The following KLHL2 variants were observed in gnomAD, a reference collection of about 807,000 sequenced individuals.
KLHL2 encodes kelch-like protein 2.
A neutral mutation model predicts 75.8 loss-of-function variants in KLHL2; 15 were observed. That is an observed-to-expected ratio of 0.20 (90% CI 0.13 to 0.30). The LOEUF (loss-of-function observed/expected upper bound fraction) is 0.30. KLHL2 is among the 10% of genes least tolerant of loss of function. The probability of loss-of-function intolerance (pLI) is 1.00; values close to 1 mark genes in which losing one functional copy is unlikely to be tolerated. For synonymous variants in KLHL2, 214 were observed against 251.9 expected (o/e 0.85, Z 1.42); for missense variants, 381 against 741.0 (o/e 0.51, Z 5.64).
chr4:165,279,567 C>T (rs746590969), intron 5 of KLHL2: 15 of 1,598,000 alleles, frequency 9.4e-6, no homozygotes, highest in Non-Finnish European at 1.2e-5. Flanking sequence ...GAATTGAAAA[C>T]CAAAAAGCGC....
At chr4:165,318,276 C>G (rs1746725561) in intron 14 of KLHL2, among the ~76,000 whole-genome samples, 1 of 152,122 alleles carries the variant, frequency 6.6e-6, no homozygotes, top group Non-Finnish European at 1.5e-5. Context: ...GCTTTAATTC[C>G]TGAGATGTCC....
At position 165,299,555 on chromosome 4, in the gene KLHL2, T is replaced by C. The variant is rs368715064; in HGVS notation, c.820T>C (p.Tyr274His). Residue 274 changes from tyrosine to histidine, a missense_variant, in exon 8 of 15, where the codon TAC becomes CAC. This residue lies in a region of KLHL2 where 111 missense variants were observed against 150.1 expected (regional missense o/e 0.74). Coordinates refer to ENST00000226725, the MANE Select transcript of KLHL2 (RefSeq NM_007246.4). ...CAAGAATAGCAGTGCTTGCAAAGAT[T>C]ACCTCATTGAAGCAATGAAGTACCA... is the stretch of plus-strand genomic sequence containing the variant. The part of the protein sequence containing the change: ...LVKNSSACKD[Y>H]LIEAMKYHLL... 1 of 1,613,764 alleles carries C rather than the reference T, an allele frequency of 6.2e-7. No individual in the cohort carries two copies. The highest frequency in any genetic ancestry group is 1.3e-5 in the African/African-American group (1 of 74,906).
intron 4 of KLHL2, among the ~76,000 whole-genome samples, chr4:165,254,501 G>A (rs191934311): frequency 2.3e-3 from 352 of 152,092 alleles, no homozygotes; most frequent in African/African-American, 7.8e-3. Flanking sequence ...TGTTTTAAAC[G>A]TTTATATTTT....
At chr4:165,230,463 T>C (rs745693242) in intron 3 of KLHL2, among the ~76,000 whole-genome samples, 1 of 152,230 alleles carries the variant, frequency 6.6e-6, no homozygotes. Context: ...AAATGATCAG[T>C]TAATTTTGAC....
intron 5 of KLHL2, among the ~76,000 whole-genome samples, chr4:165,267,125 G>T (rs999296801): frequency 4.0e-5 from 6 of 151,318 alleles, no homozygotes; most frequent in African/African-American, 1.5e-4. Flanking sequence ...TCTATTATTG[G>T]TGTATAGGAA....
At chr4:165,266,131 T>C (rs1329780957) in intron 5 of KLHL2, among the ~76,000 whole-genome samples, 1 of 152,240 alleles carries the variant, frequency 6.6e-6, no homozygotes, top group African/African-American at 2.4e-5. Flanking sequence ...TTGAGAAGTG[T>C]CTGTTTATAT....
Position 165,219,964 on chromosome 4 carries a change from C to G in KLHL2, c.57C>G (p.Leu19=), listed in dbSNP as rs1435228539. 2 of 1,613,488 alleles carry G rather than the reference C, an allele frequency of 1.2e-6. No individual in the cohort carries two copies. Residue 19 remains leucine, a synonymous_variant, in exon 2 of 15, where the codon CTC becomes CTG. Coordinates refer to ENST00000226725, the MANE Select transcript of KLHL2 (RefSeq NM_007246.4). ...CAAAGCAGGGTCATCAGAAGCCTCTCGATTCAAAAGATGATAATACCGAAA... is the reference window on the plus strand; with the variant it reads ...CAAAGCAGGGTCATCAGAAGCCTCTGGATTCAAAAGATGATAATACCGAAA... ...ACTKQGHQKP[L]DSKDDNTEKH...
chr4:165,217,869 A>G (rs1183182872), intron 1 of KLHL2, among the ~76,000 whole-genome samples: 3 of 152,194 alleles, frequency 2.0e-5, no homozygotes, highest in Admixed American at 6.6e-5. Context: ...ACCATTAGGT[A>G]TAAAAACAGC....
chr4:165,279,033 T>C, intron 5 of KLHL2: 1 of 1,505,204 alleles, frequency 6.6e-7, no homozygotes, highest in Non-Finnish European at 9.3e-7. Context: ...AAAAGCATAG[T>C]CCTACTTGCA....
In KLHL2 at chr4:165,250,561, A is replaced by G. The variant is rs191836499; in HGVS notation, c.381+11662A>G. Among the ~76,000 whole-genome samples the G allele has an allele frequency of 2.0e-4, 30 of 152,328 alleles. No individual in the cohort carries two copies. In the East Asian group the frequency reaches 5.4e-3, roughly 27 times the overall value. ...TCTTGAATTTATTACTGACTTCAAGAAGGGCCTTGAGTAAGATATTAACCT... is the reference window on the plus strand; with the variant it reads ...TCTTGAATTTATTACTGACTTCAAGGAGGGCCTTGAGTAAGATATTAACCT... On this transcript the variant is annotated intron_variant, in intron 4 of 14. Transcript: ENST00000226725.
chr4:165,214,441 G>A (rs1325497470), intron 1 of KLHL2, among the ~76,000 whole-genome samples: 2 of 152,082 alleles, frequency 1.3e-5, no homozygotes, highest in Non-Finnish European at 2.9e-5. Context: ...TCACTGTCAG[G>A]GACAAAAAGT....
chr4:165,264,523 T>C (rs1741987325), intron 5 of KLHL2, among the ~76,000 whole-genome samples: 1 of 150,950 alleles, frequency 6.6e-6, no homozygotes, highest in Non-Finnish European at 1.5e-5. Flanking sequence ...GCCTCCGGTT[T>C]CATCCAAGTT....
intron 4 of KLHL2, among the ~76,000 whole-genome samples, chr4:165,261,363 C>G (rs1475821976): frequency 6.8e-6 from 1 of 146,666 alleles, no homozygotes; most frequent in Non-Finnish European, 1.5e-5. Flanking sequence ...TTTTTTGAGA[C>G]GGAGTCTCTC....
chr4:165,265,853 G>A (rs562927262), intron 5 of KLHL2, among the ~76,000 whole-genome samples: 15 of 152,270 alleles, frequency 9.9e-5, no homozygotes, highest in African/African-American at 3.6e-4. Flanking sequence ...GGATTGCTGG[G>A]TCAAATGGTA....
chr4:165,299,848 T>C (rs1330969885), intron 8 of KLHL2, among the ~76,000 whole-genome samples, 192 bp downstream of exon 8: 2 of 152,240 alleles, frequency 1.3e-5, no homozygotes, highest in African/African-American at 4.8e-5. Context: ...GTGGGGATTC[T>C]TTGGTCCGTT....
intron 5 of KLHL2, among the ~76,000 whole-genome samples, chr4:165,276,826 A>T (rs983688706): frequency 2.6e-5 from 4 of 152,268 alleles, no homozygotes; most frequent in South Asian, 2.1e-4. Flanking sequence ...ACATCCTCTT[A>T]TCCCCTCAAT....
chr4:165,250,136 A>AT (rs1174602992), intron 4 of KLHL2, among the ~76,000 whole-genome samples: 2 of 151,850 alleles, frequency 1.3e-5, no homozygotes, highest in African/African-American at 4.8e-5. Flanking sequence ...AAAAAAAAAA[A>AT]ATAGTTTGTT....
At chr4:165,314,276 C>A in intron 13 of KLHL2, 110 bp downstream of exon 13, 3 of 1,023,912 alleles carry the variant, frequency 2.9e-6, no homozygotes, top group Non-Finnish European at 4.3e-6. Context: ...TTTTACTGAT[C>A]TGGGTTCCCT....
At chr4:165,308,232 A>G (rs1037234195) in intron 9 of KLHL2, among the ~76,000 whole-genome samples, 2 of 152,132 alleles carry the variant, frequency 1.3e-5, no homozygotes, top group African/African-American at 4.8e-5. Flanking sequence ...CTTTATCGTT[A>G]CTATCTGAAA....
Sources: gnomAD v4.1 joint callset for allele counts (sites outside exome capture counted in the v4.1 genomes callset) on GRCh38, gnomAD v4.1.1 for gene constraint, gnomAD v4.1.1 regional missense constraint, MANE v1.5 for transcripts, NCBI Gene and HGNC (gene_info 2026-07-23, HGNC 2026-07-21) for gene names.